Variants in PTPRD observed in about 807,000 individuals in gnomAD.
PTPRD encodes the protein protein tyrosine phosphatase receptor type D.
PTPRD carries 34 observed loss-of-function variants against 214.5 expected under a neutral mutation model. That is an observed-to-expected ratio of 0.16 (90% CI 0.12 to 0.21). PTPRD has a LOEUF of 0.21. Ranked by LOEUF, PTPRD falls within the 10% of genes least tolerant of loss-of-function variation. PTPRD has a pLI of 1.00. For missense variants in PTPRD, 2,545 were observed against 2,398.7 expected, an observed-to-expected ratio of 1.06 and a Z score of -1.27; for synonymous variants, 1,128 against 845.7, an observed-to-expected ratio of 1.33 and a Z score of -5.79.
intron 5 of PTPRD, among the ~76,000 whole-genome samples, chr9:9,829,575 C>T (rs1181978539): frequency 1.3e-5 from 2 of 151,678 alleles, no homozygotes; most frequent in African/African-American, 2.4e-5. Context: ...CAGTATGTTA[C>T]CTATTATTTT....
chr9:8,368,152 T>C (rs942124359), intron 39 of PTPRD, among the ~76,000 whole-genome samples: 4 of 152,122 alleles, frequency 2.6e-5, no homozygotes, highest in African/African-American at 9.7e-5. Flanking sequence ...TTGAGCAAAA[T>C]GGAAAATGGC....
At chr9:8,586,755 T>C (rs1382452868) in intron 14 of PTPRD, among the ~76,000 whole-genome samples, 3 of 152,236 alleles carry the variant, frequency 2.0e-5, no homozygotes, top group African/African-American at 7.2e-5. Flanking sequence ...AGACCAAGTA[T>C]GTTCTTAAAT....
chr9:9,004,051 C>T (rs1400462059), intron 11 of PTPRD, among the ~76,000 whole-genome samples: 1 of 152,030 alleles, frequency 6.6e-6, no homozygotes. Context: ...GCTTATGTTT[C>T]TCCTTTAGAT....
intron 2 of PTPRD, among the ~76,000 whole-genome samples, chr9:10,503,241 T>G (rs1424154513): frequency 1.4e-5 from 2 of 142,814 alleles, no homozygotes; most frequent in Non-Finnish European, 3.1e-5. Flanking sequence ...CCAGAAAAGT[T>G]TGGAAAATTT....
intron 3 of PTPRD, among the ~76,000 whole-genome samples, chr9:10,130,654 A>G (rs1020372770): frequency 6.6e-6 from 1 of 152,174 alleles, no homozygotes; most frequent in African/African-American, 2.4e-5. Flanking sequence ...TTTAGCGATT[A>G]TAAGTAAAAA....
At chr9:9,920,186 C>G (rs2082161187) in intron 5 of PTPRD, among the ~76,000 whole-genome samples, 1 of 152,114 alleles carries the variant, frequency 6.6e-6, no homozygotes, top group Non-Finnish European at 1.5e-5. Context: ...TGATGAGACA[C>G]TGTGCAAACG....
intron 30 of PTPRD, among the ~76,000 whole-genome samples, chr9:8,482,120 A>C (rs1241358844): frequency 3.9e-5 from 6 of 152,118 alleles, no homozygotes; most frequent in South Asian, 2.1e-4. Flanking sequence ...CACACTTCTA[A>C]CTAGGTATTT....
intron 12 of PTPRD, among the ~76,000 whole-genome samples, chr9:8,704,994 T>G (rs891843527): frequency 4.6e-5 from 7 of 152,032 alleles, no homozygotes; most frequent in African/African-American, 4.8e-5. Flanking sequence ...CTCCCTCTAT[T>G]GTCCACAAGT....
chr9:8,739,074 G>C (rs1057059905), intron 11 of PTPRD, among the ~76,000 whole-genome samples: 3 of 152,166 alleles, frequency 2.0e-5, no homozygotes, highest in Non-Finnish European at 4.4e-5. Flanking sequence ...TTGTACAAAC[G>C]ATGTGCTGCT....
intron 5 of PTPRD, among the ~76,000 whole-genome samples, chr9:9,805,726 A>G (rs1015091697): frequency 6.6e-6 from 1 of 152,120 alleles, no homozygotes; most frequent in African/African-American, 2.4e-5. Context: ...AATGGTACCT[A>G]ATTACTCTAT....
At chr9:9,983,906 T>C (rs1270491051) in intron 4 of PTPRD, among the ~76,000 whole-genome samples, 1 of 152,170 alleles carries the variant, frequency 6.6e-6, no homozygotes, top group African/African-American at 2.4e-5. Flanking sequence ...AGTATCATTC[T>C]CTTCCCAGCA....
At position 8,750,058 on chromosome 9, in the gene PTPRD, C is replaced by T. The variant is rs147396498; in HGVS notation, c.-103-16112G>A. Among the ~76,000 whole-genome samples, 1,356 of 151,324 alleles carry T rather than the reference C, an allele frequency of 9.0e-3. 23 individuals are homozygous for T. Among genetic ancestry groups the T allele is most frequent in the African/African-American group, 0.031 (1,262 of 41,200 alleles). On this transcript the variant is annotated intron_variant, in intron 11 of 45. Transcript: ENST00000381196. ...CGGAGGTTGCAGTGAGCCAAGCTCGCGCCACTGCACTCCAGCCTGGGCAAC... is the reference window on the plus strand; with the variant it reads ...CGGAGGTTGCAGTGAGCCAAGCTCGTGCCACTGCACTCCAGCCTGGGCAAC...
At chr9:8,400,979 ATT>A (rs1413395971) in intron 36 of PTPRD, among the ~76,000 whole-genome samples, 1 of 152,086 alleles carries the variant, frequency 6.6e-6, no homozygotes, top group African/African-American at 2.4e-5. Flanking sequence ...CCAACCTCAG[ATT>A]TCCTTGTTCT....
At chr9:8,336,280 C>T (rs1388544953) in intron 43 of PTPRD, among the ~76,000 whole-genome samples, 3 of 148,778 alleles carry the variant, frequency 2.0e-5, no homozygotes, top group Non-Finnish European at 4.4e-5. Context: ...AGAACAGAGG[C>T]CTCAGAAGTA....
chr9:8,369,371 T>C (rs988678517), intron 39 of PTPRD, among the ~76,000 whole-genome samples: 4 of 152,028 alleles, frequency 2.6e-5, no homozygotes, highest in Admixed American at 2.0e-4. Flanking sequence ...ATGGCCTACA[T>C]AGTTTCCTGG....
chr9:8,318,756 T>A (rs1440048726), intron 45 of PTPRD, among the ~76,000 whole-genome samples: 1 of 152,074 alleles, frequency 6.6e-6, no homozygotes, highest in South Asian at 2.1e-4. Context: ...GCATGGCCTT[T>A]TTCAGACAAC....
intron 7 of PTPRD, among the ~76,000 whole-genome samples, chr9:9,638,161 A>C (rs994532134): frequency 6.6e-6 from 1 of 152,160 alleles, no homozygotes; most frequent in Non-Finnish European, 1.5e-5. Context: ...ATACTGCTTT[A>C]TTCTTTACTT....
chr9:10,561,453 A>T (rs1275806716), intron 2 of PTPRD, among the ~76,000 whole-genome samples: 2 of 152,138 alleles, frequency 1.3e-5, no homozygotes, highest in Admixed American at 1.3e-4. Context: ...ATTATACTGA[A>T]CGTGATTATA....
At chr9:8,852,990 T>C (rs905921184) in intron 11 of PTPRD, among the ~76,000 whole-genome samples, 2 of 152,288 alleles carry the variant, frequency 1.3e-5, no homozygotes, top group East Asian at 1.9e-4. Context: ...TACACACGGA[T>C]GTAATACGTA....
Sources: allele counts gnomAD v4.1 joint callset (sites outside exome capture counted in the v4.1 genomes callset), GRCh38; gene constraint gnomAD v4.1.1; transcripts MANE v1.5; gene names NCBI Gene and HGNC (gene_info 2026-07-23, HGNC 2026-07-21).